SULF1: variants seen among roughly 807,000 people sequenced by gnomAD.
The protein encoded by SULF1 is extracellular sulfatase Sulf-1.
SULF1 carries 46 observed loss-of-function variants against 110.5 expected under a neutral mutation model. That is an observed-to-expected ratio of 0.42 (90% CI 0.33 to 0.53). The LOEUF (loss-of-function observed/expected upper bound fraction) is 0.53. SULF1 is among the 20% of genes least tolerant of loss of function. The pLI, the probability that SULF1 is intolerant of heterozygous loss-of-function variation, is 0.12. For synonymous variants in SULF1, 371 were observed against 387.1 expected (o/e 0.96, Z 0.49); for missense variants, 941 against 1,094.2 (o/e 0.86, Z 1.98).
chr8:69,522,601 T>G (rs1338268833), intron 3 of SULF1, among the ~76,000 whole-genome samples: 1 of 152,158 alleles, frequency 6.6e-6, no homozygotes, highest in African/African-American at 2.4e-5. Flanking sequence ...TATGTGAGTA[T>G]AGACAGGGAA....
rs368121097 is a variant in SULF1, at chr8:69,574,072, C to G, written c.173-1898C>G. 6.0e-5 allele frequency among the ~76,000 whole-genome samples: 9 copies of G among 151,168 alleles called. No individual in the cohort carries two copies. The East Asian group carries it at 1.8e-3, about 30-fold the overall frequency. On this transcript the variant is annotated intron_variant, in intron 5 of 22. Coordinates refer to ENST00000402687, the MANE Select transcript of SULF1 (RefSeq NM_001128205.2). Reference sequence around the variant, plus strand: ...CAGCAGCAGTGTGCCCTCCTCAATCCACACACCACCATTGCAACTGCAACG... The same window carrying G: ...CAGCAGCAGTGTGCCCTCCTCAATCGACACACCACCATTGCAACTGCAACG...
chr8:69,492,557 G>C (rs991345009), upstream of SULF1, among the ~76,000 whole-genome samples: 8 of 152,168 alleles, frequency 5.3e-5, no homozygotes, highest in Non-Finnish European at 8.8e-5. Context: ...GGTGCTCAGG[G>C]AGCCGGAACC....
At chr8:69,599,328 G>A (rs181096405) in intron 8 of SULF1, among the ~76,000 whole-genome samples, 1 of 152,184 alleles carries the variant, frequency 6.6e-6, no homozygotes, top group African/African-American at 2.4e-5. Flanking sequence ...ATTCTGTGAG[G>A]CTGCCTATTT....
chr8:69,576,342 C>A, intron 6 of SULF1, 133 bp downstream of exon 6: 1 of 1,015,894 alleles, frequency 9.8e-7, no homozygotes, highest in Non-Finnish European at 1.4e-6. Flanking sequence ...AACTGCTTGA[C>A]ATCTACCCCA....
chr8:69,477,130 T>C (rs1809331975), intron 1 of SULF1, among the ~76,000 whole-genome samples: 1 of 152,214 alleles, frequency 6.6e-6, no homozygotes, highest in Admixed American at 6.5e-5. Flanking sequence ...ACTTCTGGAA[T>C]TAGAGAAGTT....
At chr8:69,473,517 C>T (rs1230677393) in intron 1 of SULF1, among the ~76,000 whole-genome samples, 1 of 152,224 alleles carries the variant, frequency 6.6e-6, no homozygotes, top group Non-Finnish European at 1.5e-5. Flanking sequence ...CAAGAGTCCA[C>T]ATGGCTCTTG....
At chr8:69,516,155 T>C (rs1160482110) in intron 3 of SULF1, among the ~76,000 whole-genome samples, 1 of 152,216 alleles carries the variant, frequency 6.6e-6, no homozygotes. Context: ...CAATTTTCTT[T>C]ATTAGTTCAT....
At chr8:69,520,820 C>T (rs1325284459) in intron 3 of SULF1, among the ~76,000 whole-genome samples, 2 of 152,088 alleles carry the variant, frequency 1.3e-5, no homozygotes, top group Non-Finnish European at 2.9e-5. Flanking sequence ...CAGTGAGAGC[C>T]AGGTTTACAT....
intron 3 of SULF1, among the ~76,000 whole-genome samples, chr8:69,514,626 T>A (rs1221060857): frequency 6.6e-6 from 1 of 152,200 alleles, no homozygotes; most frequent in Non-Finnish European, 1.5e-5. Context: ...AGGAGGCTGT[T>A]CCAGCATTAA....
chr8:69,598,360 A>G lies in SULF1; in HGVS notation c.735-2243A>G, dbSNP rs557191693. 2.5e-4 allele frequency among the ~76,000 whole-genome samples: 38 copies of G among 152,246 alleles called. 1 individual carries two copies. In the South Asian group the frequency reaches 4.4e-3, roughly 17 times the overall value. ...CTGTATATATGGTGGTTGTTCCTCAAAACAGCTTTGGGTTTGTTTTTTGTT... is the reference window on the plus strand; with the variant it reads ...CTGTATATATGGTGGTTGTTCCTCAGAACAGCTTTGGGTTTGTTTTTTGTT... On this transcript the variant is annotated intron_variant, in intron 8 of 22. Coordinates refer to ENST00000402687, the MANE Select transcript of SULF1 (RefSeq NM_001128205.2).
chr8:69,600,360 C>T (rs1018634537), intron 8 of SULF1, among the ~76,000 whole-genome samples: 2 of 152,114 alleles, frequency 1.3e-5, no homozygotes, highest in African/African-American at 4.8e-5. Context: ...CTTCTAATTA[C>T]ATGTTCAGCT....
chr8:69,481,357 C>T (rs1809515313), intron 1 of SULF1, among the ~76,000 whole-genome samples: 1 of 152,068 alleles, frequency 6.6e-6, no homozygotes, highest in South Asian at 2.1e-4. Context: ...TATATCTAAA[C>T]TTTATAATAG....
chr8:69,651,051 C>CTTTTTTTTTTTTTTTTTTTTTTTTTTT (rs111556401), intron 22 of SULF1, among the ~76,000 whole-genome samples: 1 of 134,164 alleles, frequency 7.5e-6, no homozygotes, highest in African/African-American at 2.7e-5. Flanking sequence ...TCTTTTTTTT[C>CTTTTTTTTTTTTTTTTTTTTTTTTTTT]TTTTCTTTTT....
rs147287958 is a variant in SULF1, at chr8:69,643,889, A to G, written c.2585+3048A>G. 2.5e-3 allele frequency among the ~76,000 whole-genome samples: 375 copies of G among 152,306 alleles called. 3 individuals are homozygous for G. The highest frequency in any genetic ancestry group is 8.5e-3 in the African/African-American group (354 of 41,566). ...TAAGTGTGTTGCAAAATAGAGAAAA[A>G]TCAACAGGTTGTTGGGGTGTTTATT... On this transcript the variant is annotated intron_variant, in intron 22 of 22. Coordinates refer to ENST00000402687, the MANE Select transcript of SULF1 (RefSeq NM_001128205.2).
intron 13 of SULF1, among the ~76,000 whole-genome samples, chr8:69,608,521 A>G (rs949235553): frequency 6.6e-6 from 1 of 152,114 alleles, no homozygotes; most frequent in Non-Finnish European, 1.5e-5. Context: ...CCCCATCTCT[A>G]CTAAAAATAC....
chr8:69,563,936 G>A lies in SULF1; in HGVS notation c.-40G>A, dbSNP rs752650238. On this transcript the variant is annotated 5_prime_UTR_variant, in exon 5 of 23. Transcript: ENST00000402687. ...CCCAGAACTCCAGAAATCAGGAGAC[G>A]GAGACATTTTGTCAGTTTTGCAACA... The A allele has an allele frequency of 2.3e-5, 36 of 1,599,244 alleles. No homozygotes were observed. The highest frequency in any genetic ancestry group is 9.9e-5 in the South Asian group (9 of 90,516).
intron 10 of SULF1, among the ~76,000 whole-genome samples, chr8:69,602,983 C>T (rs1807948842): frequency 6.6e-6 from 1 of 152,184 alleles, no homozygotes; most frequent in Non-Finnish European, 1.5e-5. Context: ...TCTCTCCAGC[C>T]TGACCCTGGC....
intron 19 of SULF1, among the ~76,000 whole-genome samples, chr8:69,636,229 C>A (rs1810990252): frequency 6.6e-6 from 1 of 152,122 alleles, no homozygotes; most frequent in South Asian, 2.1e-4. Flanking sequence ...TTTGTTTATT[C>A]CTGTAGCATA....
At chr8:69,582,700 A>T (rs1391559025) in intron 6 of SULF1, among the ~76,000 whole-genome samples, 2 of 151,910 alleles carry the variant, frequency 1.3e-5, no homozygotes, top group Non-Finnish European at 2.9e-5. Flanking sequence ...AAAAAAAAAA[A>T]AAAAAGGAAA....
Sources: gnomAD v4.1 joint callset for allele counts (sites outside exome capture counted in the v4.1 genomes callset) on GRCh38, gnomAD v4.1.1 for gene constraint, MANE v1.5 for transcripts, NCBI Gene and HGNC (gene_info 2026-07-23, HGNC 2026-07-21) for gene names.